Variants in PAM observed in about 807,000 individuals in gnomAD.
PAM encodes the protein peptidylglycine alpha-amidating monooxygenase, also known as peptidyl-glycine alpha-amidating monooxygenase.
In PAM, 72 loss-of-function variants were observed where a neutral mutation model predicts 122.1. That is an observed-to-expected ratio of 0.59 (90% CI 0.49 to 0.72). PAM has a LOEUF of 0.72. Ranked by LOEUF, PAM falls within the 30% of genes least tolerant of loss-of-function variation. PAM has a pLI of 0.00. For missense variants in PAM, 1,106 were observed against 1,183.7 expected (o/e 0.93, Z 0.96); for synonymous variants, 389 against 404.4 (o/e 0.96, Z 0.46).
chr5:102,780,829 T>G (rs372571305), intron 1 of PAM, among the ~76,000 whole-genome samples: 29 of 113,080 alleles, frequency 2.6e-4, no homozygotes, highest in Non-Finnish European at 4.4e-4. Flanking sequence ...CTTTCTTTCT[T>G]TCTTTCTCTG....
intron 3 of PAM, among the ~76,000 whole-genome samples, chr5:102,872,101 G>T (rs1323498721): frequency 6.6e-6 from 1 of 152,104 alleles, no homozygotes; most frequent in Non-Finnish European, 1.5e-5. Flanking sequence ...GATGATTTGA[G>T]AACTGTGAAG....
At chr5:103,022,374 C>A (rs927253312) in intron 23 of PAM, among the ~76,000 whole-genome samples, 1 of 152,062 alleles carries the variant, frequency 6.6e-6, no homozygotes, top group Non-Finnish European at 1.5e-5. Flanking sequence ...TAAGAATGTC[C>A]TTCCCTTCCT....
chr5:103,013,968 AC>A (rs1181424013), intron 21 of PAM, among the ~76,000 whole-genome samples: 4 of 152,192 alleles, frequency 2.6e-5, no homozygotes, highest in African/African-American at 9.7e-5. Context: ...AAGCATAGCA[AC>A]CCTGCAGAAA....
Position 102,946,840 on chromosome 5 carries a change from A to G in PAM, c.530A>G (p.Asn177Ser). 1 of 1,588,964 alleles carries G rather than the reference A, an allele frequency of 6.3e-7. No individual in the cohort carries two copies. The highest frequency in any genetic ancestry group is 8.6e-7 in the Non-Finnish European group (1 of 1,158,238). The change falls in exon 8 of 26, where the codon AAT (asparagine) becomes AGT (serine). Residue 177 changes from asparagine (N) to serine (S), a missense_variant. Asn to Ser is a conservative substitution (Grantham distance 46). This residue lies in a region of PAM where 670 missense variants were observed against 690.3 expected (regional missense o/e 0.97). Coordinates refer to ENST00000438793, the MANE Select transcript of PAM (RefSeq NM_001177306.2). The part of the protein sequence containing the change: ...HYGDISAFRD[N>S]NKDCSGVSLH... ...GTGTTTCTATGTGTGTTTTCAGATAATAACAAGGACTGTTCTGGTGTGTCC... is the reference window on the plus strand; with the variant it reads ...GTGTTTCTATGTGTGTTTTCAGATAGTAACAAGGACTGTTCTGGTGTGTCC...
At chr5:102,887,186 C>T (rs1460908839) in intron 3 of PAM, among the ~76,000 whole-genome samples, 2 of 151,902 alleles carry the variant, frequency 1.3e-5, no homozygotes, top group Admixed American at 1.3e-4. Context: ...ATGTTTGGGC[C>T]GTGGAGGCAG....
chr5:102,951,631 A>G (rs1758925594), intron 12 of PAM, among the ~76,000 whole-genome samples: 1 of 152,144 alleles, frequency 6.6e-6, no homozygotes, highest in African/African-American at 2.4e-5. Flanking sequence ...CGATAGCAAC[A>G]CTAACTGTTG....
At chr5:102,780,605 A>T (rs1013672146) in intron 1 of PAM, among the ~76,000 whole-genome samples, 2 of 151,936 alleles carry the variant, frequency 1.3e-5, no homozygotes, top group Non-Finnish European at 2.9e-5. Flanking sequence ...CTCCCGACTG[A>T]ACTCCTGCCT....
chr5:102,794,568 A>AT (rs1011813480), intron 1 of PAM, among the ~76,000 whole-genome samples: 4 of 151,918 alleles, frequency 2.6e-5, no homozygotes, highest in East Asian at 1.9e-4. Context: ...AAAAAGATTT[A>AT]TTTTTTTTGT....
In PAM at chr5:102,955,627, A is replaced by G. The variant is rs1760457290; in HGVS notation, c.906-4248A>G. 2.0e-5 allele frequency among the ~76,000 whole-genome samples: 3 copies of G among 152,256 alleles called. No individual in the cohort carries two copies. In the South Asian group the frequency reaches 6.2e-4, roughly 32 times the overall value. Reference sequence around the variant, plus strand: ...CATAAGCACTTTATTATTCAAGAAGATGAAATAAATGCACTACTGTAATTT... The same window carrying G: ...CATAAGCACTTTATTATTCAAGAAGGTGAAATAAATGCACTACTGTAATTT... On this transcript the variant is annotated intron_variant, in intron 12 of 25. Transcript: ENST00000438793.
rs537715722 is a variant in PAM, at chr5:102,932,652, A to AAT, written c.526+5996_526+5997dup. On this transcript the variant is annotated intron_variant, in intron 7 of 25. Coordinates refer to ENST00000438793, the MANE Select transcript of PAM (RefSeq NM_001177306.2). ...GACTCCATCTCAAAATAAATAAATA[A>AAT]ATATATATATATAAAAAATAAAAAA... Among the ~76,000 whole-genome samples the AAT allele has an allele frequency of 4.8e-4, 71 of 148,876 alleles. 1 individual carries two copies. The South Asian group carries it at 8.6e-3, about 18-fold the overall frequency.
At chr5:102,878,924 T>G (rs994504715) in intron 3 of PAM, among the ~76,000 whole-genome samples, 5 of 149,246 alleles carry the variant, frequency 3.4e-5, no homozygotes, top group Middle Eastern at 3.2e-3. Context: ...GAAAAATTCT[T>G]TTTTTTTTTG....
intron 14 of PAM, among the ~76,000 whole-genome samples, chr5:102,963,998 G>GA (rs1057393923): frequency 2.0e-5 from 3 of 150,298 alleles, no homozygotes; most frequent in Admixed American, 1.3e-4. Flanking sequence ...TACTAAGATA[G>GA]AAAAAAAAGA....
At chr5:102,887,774 T>C (rs1448657627) in intron 3 of PAM, among the ~76,000 whole-genome samples, 2 of 151,984 alleles carry the variant, frequency 1.3e-5, no homozygotes, top group Non-Finnish European at 2.9e-5. Flanking sequence ...TTGCACTTAC[T>C]ACATTTCCTC....
intron 1 of PAM, among the ~76,000 whole-genome samples, chr5:102,760,312 T>G (rs75920613): frequency 6.6e-6 from 1 of 152,164 alleles, no homozygotes; most frequent in Non-Finnish European, 1.5e-5. Flanking sequence ...ATGCTGATAC[T>G]ACTGCTACTG....
chr5:102,821,296 G>A (rs1771816528), intron 1 of PAM, among the ~76,000 whole-genome samples: 1 of 152,064 alleles, frequency 6.6e-6, no homozygotes, highest in South Asian at 2.1e-4. Context: ...TTGATATGAA[G>A]GATTGGAATA....
chr5:102,997,390 A>C (rs1776048263), intron 16 of PAM, among the ~76,000 whole-genome samples: 1 of 152,046 alleles, frequency 6.6e-6, no homozygotes, highest in Non-Finnish European at 1.5e-5. Flanking sequence ...GGTGGTGTGC[A>C]CCTGTGGTCC....
chr5:103,027,200 C>A (rs534616018), intron 24 of PAM, among the ~76,000 whole-genome samples: 8 of 152,170 alleles, frequency 5.3e-5, no homozygotes, highest in Non-Finnish European at 8.8e-5. Context: ...GACTCCATAT[C>A]AGACACTGTG....
intron 22 of PAM, among the ~76,000 whole-genome samples, chr5:103,019,342 G>A (rs1208515430): frequency 6.6e-6 from 1 of 152,188 alleles, no homozygotes; most frequent in Non-Finnish European, 1.5e-5. Context: ...CTGGAAAACA[G>A]TATATCTGGA....
chr5:102,983,531 C>T (rs1422481683), intron 15 of PAM, among the ~76,000 whole-genome samples: 1 of 150,578 alleles, frequency 6.6e-6, no homozygotes, highest in Non-Finnish European at 1.5e-5. Context: ...ATATATAGGA[C>T]ACTGTAAACT....
Sources: allele counts gnomAD v4.1 joint callset (sites outside exome capture counted in the v4.1 genomes callset), GRCh38; gene constraint gnomAD v4.1.1; regional missense constraint gnomAD v4.1.1; transcripts MANE v1.5; gene names NCBI Gene and HGNC (gene_info 2026-07-23, HGNC 2026-07-21).